The following SRGAP3 variants were observed in gnomAD, a reference collection of about 807,000 sequenced individuals.
SRGAP3 encodes the protein SLIT-ROBO Rho GTPase-activating protein 3.
In SRGAP3, 39 loss-of-function variants were observed where a neutral mutation model predicts 121.1. The observed-to-expected ratio is 0.32, with a 90% CI of 0.25 to 0.42. The LOEUF is 0.42. Among genes scored for constraint, SRGAP3 ranks in the 10% least tolerant of loss-of-function variants. The probability of loss-of-function intolerance (pLI) is 1.00; values close to 1 mark genes in which losing one functional copy is unlikely to be tolerated. For synonymous variants in SRGAP3, 601 were observed against 570.0 expected (o/e 1.05, Z -0.77); for missense variants, 1,213 against 1,470.6 (o/e 0.82, Z 2.86).
intron 1 of SRGAP3, among the ~76,000 whole-genome samples, chr3:9,353,786 C>T (rs567358293): frequency 7.3e-4 from 111 of 152,248 alleles, no homozygotes; most frequent in African/African-American, 2.6e-3. Context: ...TCAATGAGGT[C>T]CCAAAAGGTT....
In SRGAP3 at chr3:9,295,243, G is replaced by C. The variant is rs187001308; in HGVS notation, n.442+30767C>G. On this transcript the variant is annotated intron_variant and non_coding_transcript_variant, in intron 3 of 3. Coordinates refer to the SRGAP3 transcript ENST00000490889. ...TCTGGTCTGTTGCTATGGCAACTTAGGACTGTAGTACAAGATGACAGCAAA... is the reference window on the plus strand; with the variant it reads ...TCTGGTCTGTTGCTATGGCAACTTACGACTGTAGTACAAGATGACAGCAAA... Among the ~76,000 whole-genome samples the C allele has an allele frequency of 3.2e-3, 494 of 152,288 alleles. 11 individuals carry two copies. Among genetic ancestry groups the C allele is most frequent in the Non-Finnish European group, 6.0e-4 (41 of 68,026 alleles).
chr3:9,073,561 C>T (rs73015420), intron 4 of SRGAP3, among the ~76,000 whole-genome samples: 10,792 of 152,246 alleles, frequency 0.071, 446 homozygotes, highest in Middle Eastern at 0.11. Context: ...TCTGGGCAAC[C>T]CTGAGCTGGC....
chr3:9,015,857 C>T (rs763004967), intron 14 of SRGAP3, 126 bp from the exon 15 acceptor site: 7 of 1,078,524 alleles, frequency 6.5e-6, no homozygotes, highest in Non-Finnish European at 9.7e-6. Context: ...AAGTCTCCCC[C>T]ACATATGAGG....
intron 14 of SRGAP3, 27 bp downstream of exon 14, chr3:9,025,234 A>G (rs1361589626): frequency 6.2e-7 from 1 of 1,613,504 alleles, no homozygotes. Flanking sequence ...CCTGGCCACA[A>G]GCCTAAGATG....
intron 1 of SRGAP3, among the ~76,000 whole-genome samples, chr3:9,354,256 G>A (rs2030360947): frequency 6.6e-6 from 1 of 152,152 alleles, no homozygotes; most frequent in African/African-American, 2.4e-5. Context: ...AGCCATGAAG[G>A]TAATCACCAT....
upstream of SRGAP3, chr3:9,249,702 G>C (rs66596003): frequency 8.7e-6 from 2 of 230,750 alleles, no homozygotes; most frequent in Non-Finnish European, 1.7e-5. Context: ...ACTAGACTCC[G>C]CCTCCCGGAT....
chr3:9,074,798 A>C (rs1286512687), intron 4 of SRGAP3, among the ~76,000 whole-genome samples: 1 of 152,228 alleles, frequency 6.6e-6, no homozygotes, highest in Non-Finnish European at 1.5e-5. Flanking sequence ...AGGCTTGAAC[A>C]AGTCAAAGGT....
intron 1 of SRGAP3, among the ~76,000 whole-genome samples, chr3:9,241,433 G>C (rs538104017): frequency 4.7e-4 from 72 of 152,296 alleles, no homozygotes; most frequent in African/African-American, 1.7e-3. Flanking sequence ...CCCAGACTGG[G>C]AGGGGCCTGG....
intron 18 of SRGAP3, among the ~76,000 whole-genome samples, chr3:9,002,133 G>A (rs902392014): frequency 2.0e-5 from 3 of 152,096 alleles, no homozygotes; most frequent in African/African-American, 4.8e-5. Flanking sequence ...CACATGGAAC[G>A]TTCTCTTGGG....
chr3:9,003,211 G>A (rs1413651680), intron 18 of SRGAP3, among the ~76,000 whole-genome samples: 1 of 152,164 alleles, frequency 6.6e-6, no homozygotes, highest in East Asian at 1.9e-4. Context: ...CAGGCACGGT[G>A]GCTCATGCCT....
At chr3:9,237,899 G>A (rs1167732331) in intron 1 of SRGAP3, among the ~76,000 whole-genome samples, 2 of 152,214 alleles carry the variant, frequency 1.3e-5, no homozygotes, top group African/African-American at 2.4e-5. Flanking sequence ...GCTGTGGGGA[G>A]AGTAGACTAT....
At chr3:9,261,512 T>G (rs1954255425) in intron 3 of SRGAP3, among the ~76,000 whole-genome samples, 1 of 151,848 alleles carries the variant, frequency 6.6e-6, no homozygotes, top group African/African-American at 2.4e-5. Context: ...ATAAATGACC[T>G]GATGGAACTG....
chr3:9,085,690 C>T (rs1487216759), intron 3 of SRGAP3, among the ~76,000 whole-genome samples: 3 of 152,190 alleles, frequency 2.0e-5, no homozygotes, highest in African/African-American at 4.8e-5. Flanking sequence ...AGCCATTATA[C>T]TTAGCAAACT....
At position 9,047,330 on chromosome 3, in the gene SRGAP3, C is replaced by A. The variant is rs1945337238; in HGVS notation, c.1408+61G>T. 3 of 1,554,908 alleles carry A rather than the reference C, an allele frequency of 1.9e-6. No homozygotes were observed. In the African/African-American group the frequency reaches 4.1e-5, roughly 21 times the overall value. ...CTGAACAGCTCAACACGTCAGGGGG[C>A]CACAGTGAGAGCCAGTGGGGAACGC... On this transcript the variant is annotated intron_variant, in intron 10 of 21. Coordinates refer to ENST00000383836, the MANE Select transcript of SRGAP3 (RefSeq NM_014850.4).
intron 1 of SRGAP3, among the ~76,000 whole-genome samples, chr3:9,341,183 T>C (rs536663350): frequency 6.6e-6 from 1 of 152,262 alleles, no homozygotes; most frequent in East Asian, 1.9e-4. Flanking sequence ...TAGAGTCACA[T>C]AGCAGGTTAG....
chr3:9,314,412 CAG>C (rs1034228789), intron 3 of SRGAP3, among the ~76,000 whole-genome samples: 4 of 151,090 alleles, frequency 2.6e-5, no homozygotes, highest in African/African-American at 9.8e-5. Flanking sequence ...AGAGAGAAGA[CAG>C]AAGGGAGACA....
intron 1 of SRGAP3, among the ~76,000 whole-genome samples, chr3:9,361,721 T>C (rs1255149644): frequency 2.6e-5 from 4 of 152,218 alleles, no homozygotes; most frequent in East Asian, 3.9e-4. Flanking sequence ...AAAGACTCAC[T>C]CCACCAGCCT....
intron 4 of SRGAP3, 37 bp from the exon 5 acceptor site, chr3:9,064,618 T>C (rs368109161): frequency 8.7e-6 from 14 of 1,612,418 alleles, no homozygotes; most frequent in African/African-American, 1.3e-5. Context: ...AGCAGCCAGC[T>C]ATGGCCCAGC....
At chr3:9,175,953 A>G (rs1309689618) in intron 1 of SRGAP3, among the ~76,000 whole-genome samples, 1 of 151,956 alleles carries the variant, frequency 6.6e-6, no homozygotes, top group East Asian at 1.9e-4. Context: ...ATGGAGCCTC[A>G]CTCTGTCACC....
Sources: allele counts gnomAD v4.1 joint callset (sites outside exome capture counted in the v4.1 genomes callset), GRCh38; gene constraint gnomAD v4.1.1; transcripts MANE v1.5; gene names NCBI Gene and HGNC (gene_info 2026-07-23, HGNC 2026-07-21).